NCOA2: variants seen among roughly 807,000 people sequenced by gnomAD.
The protein encoded by NCOA2 is class E basic helix-loop-helix protein 75.
In NCOA2, 21 loss-of-function variants were observed where a neutral mutation model predicts 145.1. The ratio of observed to expected loss-of-function variants is 0.14; its 90% CI spans 0.10 to 0.21. The LOEUF (loss-of-function observed/expected upper bound fraction) is 0.21, where lower values mean the gene tolerates loss of function less well. Ranked by LOEUF, NCOA2 falls within the 10% of genes least tolerant of loss-of-function variation. NCOA2 has a pLI of 1.00. For synonymous variants in NCOA2, 619 were observed against 637.5 expected (o/e 0.97, Z 0.44); for missense variants, 1,472 against 1,837.6 (o/e 0.80, Z 3.64).
chr8:70,201,647 A>C (rs1359631907), intron 4 of NCOA2, among the ~76,000 whole-genome samples: 1 of 152,240 alleles, frequency 6.6e-6, no homozygotes, highest in Non-Finnish European at 1.5e-5. Context: ...AGTGAGCAGC[A>C]GTAATAAGAG....
intron 1 of NCOA2, among the ~76,000 whole-genome samples, chr8:70,371,938 CATT>C (rs1353475803): frequency 2.0e-5 from 3 of 152,004 alleles, no homozygotes; most frequent in Non-Finnish European, 4.4e-5. Flanking sequence ...AAGTAAAACT[CATT>C]AGTTTAAAAA....
the NCOA2 span, among the ~76,000 whole-genome samples, chr8:70,426,375 T>C: frequency 6.6e-6 from 1 of 152,232 alleles, no homozygotes; most frequent in African/African-American, 2.4e-5. Flanking sequence ...GATGATAAGG[T>C]ATTACACTTT....
Position 70,126,646 on chromosome 8 carries a change from A to ACTC in NCOA2, c.3916+164_3916+166dup. 5 of 630,242 alleles carry ACTC rather than the reference A, an allele frequency of 7.9e-6. No homozygotes were observed. The South Asian group carries it at 9.7e-5, about 12-fold the overall frequency. The allele number at this position is 630,242 out of a possible 1,614,324, so 39.0% of individuals were successfully genotyped here. A position where few individuals can be genotyped will look rare whatever the true frequency, so the allele number is the denominator to read the frequency against. On this transcript the variant is annotated intron_variant, in intron 19 of 22. Coordinates refer to ENST00000452400, the MANE Select transcript of NCOA2 (RefSeq NM_006540.4). The stretch of plus-strand genomic sequence containing the variant: ...GGAAGGTACTGTGCTGGACTTGGGG[A>ACTC]CTCCTCACAGGCCCCAACTGTCCTC...
chr8:70,388,458 C>T lies in NCOA2; in HGVS notation c.-77+15242G>A, dbSNP rs527638651. On this transcript the variant is annotated intron_variant, in intron 1 of 22. Transcript: ENST00000452400. ...AGCTCTGAGGCCTTCCTTCACCTTG[C>T]AAAATGCAGTTTGCTCACGTAACAT... Among the ~76,000 whole-genome samples the T allele has an allele frequency of 2.0e-5, 3 of 152,330 alleles. No individual in the cohort carries two copies. The East Asian group carries it at 5.8e-4, about 29-fold the overall frequency.
At chr8:70,210,497 C>T (rs940116311) in intron 4 of NCOA2, among the ~76,000 whole-genome samples, 1 of 152,134 alleles carries the variant, frequency 6.6e-6, no homozygotes, top group African/African-American at 2.4e-5. Flanking sequence ...AAGTCCATTC[C>T]ACAGTTAATG....
chr8:70,191,357 A>G (rs1816652083), intron 4 of NCOA2, among the ~76,000 whole-genome samples: 1 of 152,234 alleles, frequency 6.6e-6, no homozygotes, highest in South Asian at 2.1e-4. Flanking sequence ...TTAGCCAGGT[A>G]ATGTACAATC....
At chr8:70,234,257 T>A (rs966525134) in intron 2 of NCOA2, among the ~76,000 whole-genome samples, 2 of 152,226 alleles carry the variant, frequency 1.3e-5, no homozygotes, top group Non-Finnish European at 2.9e-5. Flanking sequence ...TACCCATTAC[T>A]CAGTGAATGG....
At chr8:70,363,936 C>A (rs1810439290) in intron 1 of NCOA2, among the ~76,000 whole-genome samples, 1 of 151,616 alleles carries the variant, frequency 6.6e-6, no homozygotes. Context: ...GGAAACAAAA[C>A]CCCTCTTTAT....
chr8:70,290,671 T>C (rs1451498655), intron 2 of NCOA2, among the ~76,000 whole-genome samples: 1 of 152,200 alleles, frequency 6.6e-6, no homozygotes, highest in East Asian at 1.9e-4. Context: ...TAGAAATACC[T>C]ATATCCTAAT....
At chr8:70,271,024 G>A (rs929382040) in intron 2 of NCOA2, among the ~76,000 whole-genome samples, 1 of 152,164 alleles carries the variant, frequency 6.6e-6, no homozygotes, top group African/African-American at 2.4e-5. Context: ...ACTTTAGAAT[G>A]CTAACTTTGT....
At chr8:70,330,425 G>C (rs111494753) in intron 1 of NCOA2, among the ~76,000 whole-genome samples, 30 of 151,772 alleles carry the variant, frequency 2.0e-4, no homozygotes, top group African/African-American at 6.8e-4. Flanking sequence ...AAAAAGATAA[G>C]CCGGGCATGG....
At chr8:70,280,033 C>T (rs1301208141) in intron 2 of NCOA2, among the ~76,000 whole-genome samples, 1 of 152,214 alleles carries the variant, frequency 6.6e-6, no homozygotes, top group Non-Finnish European at 1.5e-5. Context: ...TCCATGACTA[C>T]ACACATCAAG....
intron 1 of NCOA2, among the ~76,000 whole-genome samples, chr8:70,392,145 C>A (rs560160499): frequency 2.0e-5 from 3 of 152,292 alleles, no homozygotes; most frequent in Admixed American, 6.5e-5. Context: ...AATCCTTAGT[C>A]CTCCCTAAAC....
chr8:70,354,697 G>A (rs767637389), intron 1 of NCOA2, among the ~76,000 whole-genome samples: 5 of 152,106 alleles, frequency 3.3e-5, no homozygotes, highest in African/African-American at 4.8e-5. Flanking sequence ...GTATCTCTTA[G>A]ATGAACTAAT....
In NCOA2 at chr8:70,128,894, A is replaced by G. The variant is rs1808758530; in HGVS notation, c.3411T>C (p.Tyr1137=). ...EQKAPVFPQQ[Y]ASQAQMAQGS... ...CCTGGGCCATTTGTGCCTGAGATGC[A>G]TACTGCTGTGGGAAAACGGGCGCCT... Residue 1137 remains tyrosine, a synonymous_variant, in exon 17 of 23, where the codon TAT becomes TAC. Transcript: ENST00000452400. 1.2e-6 allele frequency: 2 copies of G among 1,613,760 alleles called. No individual in the cohort carries two copies. Among genetic ancestry groups the G allele is most frequent in the Non-Finnish European group, 1.7e-6 (2 of 1,179,822 alleles).
In NCOA2 at chr8:70,326,427, TCTCA is replaced by T. The variant is rs1000035557; in HGVS notation, c.-76-29631_-76-29628del. On this transcript the variant is annotated intron_variant, in intron 1 of 22. Transcript: ENST00000452400. The stretch of plus-strand genomic sequence containing the variant: ...AAACTACCCTTTCTGCATTTCTCTC[TCTCA>T]CACACACACACACACACACGTGCAC... Among the ~76,000 whole-genome samples the T allele has an allele frequency of 8.5e-4, 119 of 139,404 alleles. 1 individual carries two copies. The highest frequency in any genetic ancestry group is 5.5e-3 in the South Asian group (25 of 4,552). The allele number at this position is 139,404 out of a possible 152,430, so 91.5% of individuals were successfully genotyped here.
chr8:70,127,125 G>T, intron 18 of NCOA2, 78 bp from the exon 19 acceptor site: 1 of 1,022,856 alleles, frequency 9.8e-7, no homozygotes, highest in Admixed American at 2.0e-5. Flanking sequence ...ATTATAGAGA[G>T]GCTAGCAAAT....
chr8:70,333,510 A>C (rs968693185), intron 1 of NCOA2, among the ~76,000 whole-genome samples: 1 of 152,232 alleles, frequency 6.6e-6, no homozygotes, highest in Non-Finnish European at 1.5e-5. Context: ...CTGCTGGGTT[A>C]GATTCTCTTT....
At chr8:70,407,283 A>G (rs1476144908), upstream of NCOA2, among the ~76,000 whole-genome samples, 1 of 152,264 alleles carries the variant, frequency 6.6e-6, no homozygotes, top group Non-Finnish European at 1.5e-5. Context: ...TATAACTACA[A>G]TAAACAAATG....
Sources: gnomAD v4.1 joint callset for allele counts (sites outside exome capture counted in the v4.1 genomes callset) on GRCh38, gnomAD v4.1.1 for gene constraint, MANE v1.5 for transcripts, NCBI Gene and HGNC (gene_info 2026-07-23, HGNC 2026-07-21) for gene names.